The following WDR64 variants were observed in gnomAD, a reference collection of about 807,000 sequenced individuals.
The protein encoded by WDR64 is WD repeat-containing protein 64.
WDR64 carries 112 observed loss-of-function variants against 139.3 expected under a neutral mutation model. The ratio of observed to expected loss-of-function variants is 0.80; its 90% CI spans 0.69 to 0.94. The LOEUF is 0.94. Among genes scored for constraint, WDR64 ranks in the 40% least tolerant of loss-of-function variants. WDR64 has a pLI of 0.00. For synonymous variants in WDR64, 444 were observed against 437.7 expected (o/e 1.01, Z -0.18); for missense variants, 1,206 against 1,293.1 (o/e 0.93, Z 1.03).
chr1:241,794,971 T>C (rs1278094130), intron 25 of WDR64, among the ~76,000 whole-genome samples: 2 of 152,232 alleles, frequency 1.3e-5, no homozygotes, highest in African/African-American at 4.8e-5. Context: ...TCACCTCTTC[T>C]GTTAATTTCT....
In WDR64 at chr1:241,757,477, G is replaced by T. The variant is rs779954266; in HGVS notation, c.1947+18G>T. Reference sequence around the variant, plus strand: ...CTACTGATGTAAGTTTCCTCTCTTGGTTTCTTTTTAACTTTTGCTTTTTGT... The same window carrying T: ...CTACTGATGTAAGTTTCCTCTCTTGTTTTCTTTTTAACTTTTGCTTTTTGT... On this transcript the variant is annotated intron_variant, in intron 15 of 27. Coordinates refer to ENST00000437684, the MANE Select transcript of WDR64 (RefSeq NM_001367482.1). The T allele has an allele frequency of 1.3e-6, 2 of 1,584,094 alleles. No homozygotes were observed. Among genetic ancestry groups the T allele is most frequent in the Middle Eastern group, 1.7e-4 (1 of 5,882 alleles).
chr1:241,652,366 A>C lies in WDR64; in HGVS notation c.-119A>C. 1 of 1,054,084 alleles carries C rather than the reference A, an allele frequency of 9.5e-7. No individual in the cohort carries two copies. Among genetic ancestry groups the C allele is most frequent in the South Asian group, 1.7e-5 (1 of 58,576 alleles). The allele number at this position is 1,054,084 out of a possible 1,614,324, so 65.3% of individuals were successfully genotyped here. On this transcript the variant is annotated 5_prime_UTR_variant, in exon 1 of 28. Transcript: ENST00000437684. ...ACTATGGGATTTTAAGATCAAAGGA[A>C]TTAGACCTAGGGCAAAAACTGAGAC...
At position 241,703,681 on chromosome 1, in the gene WDR64, G is replaced by A. The variant is rs564440826; in HGVS notation, c.975-8121G>A. On this transcript the variant is annotated intron_variant, in intron 8 of 27. Coordinates refer to ENST00000437684, the MANE Select transcript of WDR64 (RefSeq NM_001367482.1). This position sits in a 1 kb window ranked among gnomAD's most constrained non-coding sequence, Gnocchi z 5.9. ...GGGAGCCTTCTATATTCAAAGAACC[G>A]TTGTGTATTAATCCATTTTCACACT... Among the ~76,000 whole-genome samples the A allele has an allele frequency of 5.1e-4, 77 of 152,102 alleles. No homozygotes were observed. In the South Asian group the frequency reaches 5.4e-3, roughly 11 times the overall value.
chr1:241,672,378 G>C (rs115826937), intron 3 of WDR64, among the ~76,000 whole-genome samples: 268 of 152,290 alleles, frequency 1.8e-3, no homozygotes, highest in Middle Eastern at 3.4e-3. Flanking sequence ...GAGCTAAGGA[G>C]GGGCCCCAGA....
At chr1:241,775,913 T>C (rs1030492638) in intron 21 of WDR64, among the ~76,000 whole-genome samples, 1 of 152,152 alleles carries the variant, frequency 6.6e-6, no homozygotes, top group African/African-American at 2.4e-5. Flanking sequence ...CTTTTCTCCA[T>C]ATCTACCCCT....
intron 8 of WDR64, among the ~76,000 whole-genome samples, chr1:241,699,964 G>A (rs540902174): frequency 5.9e-5 from 9 of 151,902 alleles, no homozygotes; most frequent in East Asian, 2.0e-4. Context: ...ACAGCAGAGC[G>A]GAGAATGGAT....
At chr1:241,667,554 G>T (rs994011002) in intron 2 of WDR64, among the ~76,000 whole-genome samples, 14 of 152,146 alleles carry the variant, frequency 9.2e-5, no homozygotes, top group Non-Finnish European at 1.5e-5. Flanking sequence ...AGAAACAGAA[G>T]AGGAAGAAAG....
intron 2 of WDR64, among the ~76,000 whole-genome samples, chr1:241,666,462 G>T (rs937403851): frequency 6.6e-6 from 1 of 152,148 alleles, no homozygotes; most frequent in African/African-American, 2.4e-5. Context: ...TTGTAATAGT[G>T]TGTTATTTAC....
chr1:241,686,731 A>T (rs192163929), intron 7 of WDR64, among the ~76,000 whole-genome samples: 10 of 152,196 alleles, frequency 6.6e-5, no homozygotes, highest in Non-Finnish European at 1.2e-4. Flanking sequence ...ACTCAGCTTC[A>T]CCAGTGATCT....
chr1:241,773,023 C>A, intron 20 of WDR64, 92 bp downstream of exon 20: 1 of 1,351,798 alleles, frequency 7.4e-7, no homozygotes, highest in Non-Finnish European at 9.7e-7. Context: ...ATATGGCATC[C>A]AATTATAATA....
At chr1:241,721,427 C>T (rs12737686) in intron 9 of WDR64, among the ~76,000 whole-genome samples, 24,120 of 151,940 alleles carry the variant, frequency 0.16, 2,060 homozygotes, top group South Asian at 0.2. Flanking sequence ...TAGGTTATAA[C>T]GCCTTTATAC....
At chr1:241,794,137 C>T (rs377578858) in intron 25 of WDR64, among the ~76,000 whole-genome samples, 30 of 151,310 alleles carry the variant, frequency 2.0e-4, no homozygotes, top group African/African-American at 5.8e-4. Context: ...GCTGAGATCA[C>T]GCCATTGCAC....
intron 12 of WDR64, among the ~76,000 whole-genome samples, chr1:241,742,606 C>A (rs1669590990): frequency 6.6e-6 from 1 of 152,182 alleles, no homozygotes; most frequent in African/African-American, 2.4e-5. Context: ...TAATTCACCC[C>A]TTGTTTAGCA....
At chr1:241,679,398 T>C (rs765510751) in intron 5 of WDR64, 87 bp from the exon 6 acceptor site, 2 of 1,166,054 alleles carry the variant, frequency 1.7e-6, no homozygotes, top group Non-Finnish European at 2.5e-6. Context: ...ATGGAGCTTT[T>C]AGTGTGACTA....
At chr1:241,665,923 A>G (rs1666008901) in intron 2 of WDR64, among the ~76,000 whole-genome samples, 1 of 152,202 alleles carries the variant, frequency 6.6e-6, no homozygotes, top group South Asian at 2.1e-4. Flanking sequence ...ATCTAAAATT[A>G]TATTTGCTAA....
At chr1:241,725,636 C>A (rs1010984612) in intron 10 of WDR64, among the ~76,000 whole-genome samples, 1 of 152,114 alleles carries the variant, frequency 6.6e-6, no homozygotes, top group Non-Finnish European at 1.5e-5. Flanking sequence ...GGAAAATGCA[C>A]CCGGCACCTG....
At chr1:241,799,868 C>T (rs1302562771) in intron 27 of WDR64, among the ~76,000 whole-genome samples, 2 of 152,130 alleles carry the variant, frequency 1.3e-5, no homozygotes, top group Non-Finnish European at 2.9e-5. Flanking sequence ...GCTCTGATCA[C>T]TACATGACAT....
intron 9 of WDR64, among the ~76,000 whole-genome samples, chr1:241,721,793 A>ATT (rs1254949634): frequency 1.3e-5 from 2 of 152,194 alleles, no homozygotes; most frequent in Non-Finnish European, 2.9e-5. Flanking sequence ...TGGAAACATA[A>ATT]TTAGATTACA....
intron 8 of WDR64, among the ~76,000 whole-genome samples, chr1:241,708,649 C>T (rs1467720517): frequency 6.7e-6 from 1 of 149,402 alleles, no homozygotes; most frequent in African/African-American, 2.5e-5. Context: ...TATGACTCCA[C>T]CCTTGGAGAG....
Sources: gnomAD v4.1 joint callset for allele counts (sites outside exome capture counted in the v4.1 genomes callset) on GRCh38, gnomAD v4.1.1 for gene constraint, Gnocchi (gnomAD v3.1) non-coding constraint, MANE v1.5 for transcripts, NCBI Gene and HGNC (gene_info 2026-07-23, HGNC 2026-07-21) for gene names.